BRWD3: variants seen among roughly 807,000 people sequenced by gnomAD.
BRWD3 encodes the protein bromodomain and WD repeat-containing protein 3.
A neutral mutation model predicts 149.7 loss-of-function variants in BRWD3; 10 were observed. The ratio of observed to expected loss-of-function variants is 0.07; its 90% CI spans 0.04 to 0.11. The LOEUF (loss-of-function observed/expected upper bound fraction) is 0.11, where lower values mean the gene tolerates loss of function less well. Among genes scored for constraint, BRWD3 ranks in the 10% least tolerant of loss-of-function variants. The probability of loss-of-function intolerance (pLI) is 1.00; values close to 1 mark genes in which losing one functional copy is unlikely to be tolerated. For missense variants in BRWD3, 940 were observed against 1,373.2 expected, an observed-to-expected ratio of 0.68 and a Z score of 4.99; for synonymous variants, 504 against 456.7, an observed-to-expected ratio of 1.10 and a Z score of -1.32.
At chrX:80,743,893 G>T (rs2073555193) in intron 8 of BRWD3, 139 bp downstream of exon 8, 1 of 423,051 alleles carries the variant, frequency 2.4e-6, no homozygotes, top group South Asian at 6.1e-5. Context: ...ATATCTTGCT[G>T]CAGGGTAGGA....
intron 6 of BRWD3, among the ~76,000 whole-genome samples, chrX:80,790,829 T>C (rs1223842661): frequency 1.8e-5 from 2 of 111,778 alleles, no homozygotes; most frequent in African/African-American, 3.3e-5. Context: ...CAATTCAATA[T>C]ATTAATTATG....
intron 7 of BRWD3, among the ~76,000 whole-genome samples, chrX:80,745,049 A>G (rs2073570956): frequency 8.9e-6 from 1 of 111,793 alleles, no homozygotes; most frequent in Admixed American, 9.5e-5. Context: ...GTGTACTACA[A>G]TTTTGTACTC....
At position 80,755,322 on chromosome X, in the gene BRWD3, T is replaced by C. The variant is rs763826401; in HGVS notation, c.431-9593A>G. ...ACACCATCAACACCCAAAAGATGAT[T>C]TGGTAAAAAAAAGTTAACAGATAAG... On this transcript the variant is annotated intron_variant, in intron 6 of 40. Transcript: ENST00000373275. Among the ~76,000 whole-genome samples, 18 of 111,624 alleles carry C rather than the reference T, an allele frequency of 1.6e-4. No individual in the cohort carries two copies. The South Asian group carries it at 4.1e-3, about 25-fold the overall frequency.
chrX:80,790,083 G>A (rs2074162844), intron 6 of BRWD3, among the ~76,000 whole-genome samples: 1 of 106,841 alleles, frequency 9.4e-6, no homozygotes, highest in Non-Finnish European at 1.9e-5. Context: ...CTACTCAGGG[G>A]CTGAGGCAGA....
At chrX:80,775,264 G>A (rs1037317351) in intron 6 of BRWD3, among the ~76,000 whole-genome samples, 1 of 111,637 alleles carries the variant, frequency 9.0e-6, no homozygotes, top group African/African-American at 3.3e-5. Flanking sequence ...CTGGCATAGA[G>A]GATGTAGAAT....
At chrX:80,786,814 C>G (rs2074113145) in intron 6 of BRWD3, among the ~76,000 whole-genome samples, 1 of 112,031 alleles carries the variant, frequency 8.9e-6, no homozygotes, top group Non-Finnish European at 1.9e-5. Flanking sequence ...CCAGCCTAAT[C>G]CACCGTGCCC....
intron 33 of BRWD3, among the ~76,000 whole-genome samples, chrX:80,688,971 C>A (rs2072573476): frequency 1.3e-5 from 1 of 79,731 alleles, no homozygotes; most frequent in African/African-American, 4.5e-5. Context: ...ATTTCATAGT[C>A]AGACACATTT....
intron 8 of BRWD3, 177 bp downstream of exon 8, chrX:80,743,855 T>C: frequency 2.5e-6 from 1 of 401,288 alleles, no homozygotes; most frequent in Admixed American, 4.7e-5. Flanking sequence ...TTAAAAAAGA[T>C]AATCATATGA....
At chrX:80,693,160 A>G (rs747418613) in intron 27 of BRWD3, 109 bp from the exon 28 acceptor site, 1 of 576,246 alleles carries the variant, frequency 1.7e-6, no homozygotes, top group Non-Finnish European at 2.9e-6. Context: ...CTAGCATTAT[A>G]AGAAGCTTCC....
intron 27 of BRWD3, among the ~76,000 whole-genome samples, chrX:80,693,339 C>T (rs1225309990): frequency 8.9e-6 from 1 of 112,044 alleles, no homozygotes; most frequent in East Asian, 2.8e-4. Context: ...TCATTAGGCA[C>T]ACTTCTTATT....
In BRWD3 at chrX:80,672,402, G is replaced by A. The variant is rs1165716462; in HGVS notation, c.*4207C>T. On this transcript the variant is annotated 3_prime_UTR_variant, in exon 41 of 41. Coordinates refer to ENST00000373275, the MANE Select transcript of BRWD3 (RefSeq NM_153252.5). ...GGTGAGGAAGGAAGGAAGGAGGGAAGGAAGAGAGGGAGGGAGGGAGGGGGG... is the reference window on the plus strand; with the variant it reads ...GGTGAGGAAGGAAGGAAGGAGGGAAAGAAGAGAGGGAGGGAGGGAGGGGGG... The A allele has an allele frequency of 2.6e-5, 2 of 78,242 alleles. No individual in the cohort carries two copies. Among genetic ancestry groups the A allele is most frequent in the Non-Finnish European group, 4.8e-5 (2 of 41,981 alleles). 6.4% of individuals were successfully genotyped at this position (78,242 alleles called of 1,213,427 possible). A position where few individuals can be genotyped will look rare whatever the true frequency, so the allele number is the denominator to read the frequency against.
chrX:80,755,366 AAAT>A (rs1033373517), intron 6 of BRWD3, among the ~76,000 whole-genome samples: 2 of 112,156 alleles, frequency 1.8e-5, no homozygotes, highest in African/African-American at 6.5e-5. Context: ...TAGGAAATAT[AAAT>A]AATATGCTGA....
intron 4 of BRWD3, among the ~76,000 whole-genome samples, chrX:80,806,722 C>T (rs932760868): frequency 2.7e-4 from 30 of 112,296 alleles, no homozygotes; most frequent in African/African-American, 9.4e-4. Context: ...TTAAATACAA[C>T]TGAATTTTTT....
chrX:80,724,849 C>A, intron 15 of BRWD3, 84 bp downstream of exon 15: 4 of 1,039,791 alleles, frequency 3.8e-6, no homozygotes, highest in South Asian at 3.8e-5. Flanking sequence ...GGTTCCTCTG[C>A]ACTAGGTATA....
chrX:80,770,786 C>T (rs1176307673), intron 6 of BRWD3, among the ~76,000 whole-genome samples: 1 of 111,395 alleles, frequency 9.0e-6, no homozygotes, highest in African/African-American at 3.3e-5. Flanking sequence ...AAAGGGTATT[C>T]GATTAGGAAA....
chrX:80,728,631 A>T, intron 14 of BRWD3, 121 bp downstream of exon 14: 1 of 599,186 alleles, frequency 1.7e-6, no homozygotes, highest in Non-Finnish European at 2.6e-6. Flanking sequence ...CCTCTCAGAA[A>T]ATCATTTTTC....
intron 18 of BRWD3, among the ~76,000 whole-genome samples, chrX:80,719,254 GA>G (rs1436980968): frequency 1.8e-5 from 2 of 111,414 alleles, no homozygotes; most frequent in Non-Finnish European, 3.8e-5. Context: ...ATAAATTACT[GA>G]GTAAAAAGAA....
At chrX:80,772,627 A>C (rs2073957513) in intron 6 of BRWD3, among the ~76,000 whole-genome samples, 1 of 111,428 alleles carries the variant, frequency 9.0e-6, no homozygotes. Flanking sequence ...TTAAAAAAAA[A>C]TAAATGATCC....
At chrX:80,709,394 AACT>A in intron 21 of BRWD3, 31 bp downstream of exon 21, 1 of 1,171,756 alleles carries the variant, frequency 8.5e-7, no homozygotes, top group Non-Finnish European at 1.2e-6. Flanking sequence ...GGAAACAAAA[AACT>A]ACATCAAATA....
Sources: gnomAD v4.1 joint callset for allele counts (sites outside exome capture counted in the v4.1 genomes callset) on GRCh38, gnomAD v4.1.1 for gene constraint, MANE v1.5 for transcripts, NCBI Gene and HGNC (gene_info 2026-07-23, HGNC 2026-07-21) for gene names.